The following GTPBP10 variants were observed in gnomAD, a reference collection of about 807,000 sequenced individuals.
The protein encoded by GTPBP10 is GTP-binding protein 10.
GTPBP10 carries 38 observed loss-of-function variants against 44.8 expected under a neutral mutation model. The observed-to-expected ratio is 0.85, with a 90% CI of 0.65 to 1.11. The LOEUF is 1.11. Ranked by LOEUF, GTPBP10 falls within the 50% of genes most tolerant of loss-of-function variation. The pLI, the probability that GTPBP10 is intolerant of heterozygous loss-of-function variation, is 0.00. For missense variants in GTPBP10, 462 were observed against 453.7 expected (o/e 1.02, Z -0.17); for synonymous variants, 152 against 150.6 (o/e 1.01, Z -0.07).
At chr7:90,362,676 C>A (rs1482597432) in intron 4 of GTPBP10, among the ~76,000 whole-genome samples, 2 of 151,900 alleles carry the variant, frequency 1.3e-5, no homozygotes, top group East Asian at 1.9e-4. Context: ...GAGTTCAATT[C>A]CTGGATATCC....
In GTPBP10 at chr7:90,352,973, G is replaced by T. The variant is rs776045994; in HGVS notation, c.191G>T (p.Arg64Leu). The T allele has an allele frequency of 6.2e-7, 1 of 1,611,478 alleles. No homozygotes were observed. Among genetic ancestry groups the T allele is most frequent in the East Asian group, 2.2e-5 (1 of 44,844 alleles). The change falls in exon 2 of 10, where the codon CGG becomes CTG. Residue 64 changes from arginine (R) to leucine (L), a missense_variant. Coordinates refer to ENST00000222511, the MANE Select transcript of GTPBP10 (RefSeq NM_033107.4). Reference protein sequence around the residue: ...TLKQLKDRYPRKRFVAGVGAN... With the variant: ...TLKQLKDRYPLKRFVAGVGAN... ...AAACAACTTAAAGACAGGTATCCTC[G>T]GAAACGGTTTGTGGCTGGAGTAGGA...
chr7:90,382,896 A>C, intron 8 of GTPBP10, 60 bp from the exon 9 acceptor site: 1 of 1,201,286 alleles, frequency 8.3e-7, no homozygotes, highest in East Asian at 2.6e-5. Flanking sequence ...TAATTACCAA[A>C]TAAGTAGTTT....
chr7:90,362,750 A>T (rs1330590753), intron 4 of GTPBP10, among the ~76,000 whole-genome samples: 1 of 152,114 alleles, frequency 6.6e-6, no homozygotes, highest in African/African-American at 2.4e-5. Context: ...GTCTCCCATT[A>T]TTATTGTTTT....
intron 1 of GTPBP10, among the ~76,000 whole-genome samples, chr7:90,348,639 G>A (rs1795729189): frequency 6.6e-6 from 1 of 151,248 alleles, no homozygotes; most frequent in African/African-American, 2.4e-5. Flanking sequence ...AGGGGTGGGG[G>A]TGGAGGAGGT....
rs967671523 is a variant in GTPBP10 at position 90,374,385 on chromosome 7, A to G, written c.591+31A>G. The G allele has an allele frequency of 9.5e-6, 13 of 1,375,326 alleles. No individual in the cohort carries two copies. In the Admixed American group the frequency reaches 2.1e-4, roughly 22 times the overall value. The allele number at this position is 1,375,326 out of a possible 1,614,324, so 85.2% of individuals were successfully genotyped here. A position where few individuals can be genotyped will look rare whatever the true frequency, so the allele number is the denominator to read the frequency against. On this transcript the variant is annotated intron_variant, in intron 6 of 9. Transcript: ENST00000222511. Reference sequence around the variant, plus strand: ...TATTTTTAAAGTAAAACACTATATTAGAAGTCAAAAGTACTTGGTTTTGGT... The same window carrying G: ...TATTTTTAAAGTAAAACACTATATTGGAAGTCAAAAGTACTTGGTTTTGGT...
chr7:90,350,375 G>A (rs538591667), intron 1 of GTPBP10, among the ~76,000 whole-genome samples: 95 of 152,324 alleles, frequency 6.2e-4, no homozygotes, highest in African/African-American at 2.2e-3. Context: ...GTGTGCATGT[G>A]TCTTTATAGT....
intron 4 of GTPBP10, among the ~76,000 whole-genome samples, chr7:90,358,304 C>T (rs964910590): frequency 6.6e-6 from 1 of 151,834 alleles, no homozygotes; most frequent in East Asian, 1.9e-4. Flanking sequence ...AATGGAAATA[C>T]ATCCAAAGCA....
intron 5 of GTPBP10, among the ~76,000 whole-genome samples, chr7:90,373,766 A>G (rs1254572943): frequency 6.6e-6 from 1 of 152,236 alleles, no homozygotes; most frequent in Non-Finnish European, 1.5e-5. Flanking sequence ...GTGCAATAGA[A>G]GAACGTTGAG....
At chr7:90,356,012 T>C (rs1451205946) in intron 4 of GTPBP10, among the ~76,000 whole-genome samples, 2 of 150,122 alleles carry the variant, frequency 1.3e-5, no homozygotes, top group African/African-American at 2.5e-5. Context: ...TACACAGTTA[T>C]TCAGATGGAA....
chr7:90,353,134 G>T, intron 2 of GTPBP10, 125 bp downstream of exon 2: 1 of 596,638 alleles, frequency 1.7e-6, no homozygotes, highest in Non-Finnish European at 2.8e-6. Context: ...TTATAACCAA[G>T]CAAAAGCCTA....
chr7:90,382,870 A>T, intron 8 of GTPBP10, 86 bp from the exon 9 acceptor site: 2 of 873,828 alleles, frequency 2.3e-6, no homozygotes, highest in Non-Finnish European at 3.3e-6. Context: ...AATGGGTTTT[A>T]GATCACCTGG....
rs974259859 is a variant in GTPBP10 at position 90,388,234 on chromosome 7, G to T, written c.*3080G>T. On this transcript the variant is annotated 3_prime_UTR_variant, in exon 10 of 10. Coordinates refer to ENST00000222511, the MANE Select transcript of GTPBP10 (RefSeq NM_033107.4). ...TAATTTTGAAACAAAGACTTATTTTGAAGTAAGTCTTTTAACATTATCTCA... is the reference window on the plus strand; with the variant it reads ...TAATTTTGAAACAAAGACTTATTTTTAAGTAAGTCTTTTAACATTATCTCA... The T allele has an allele frequency of 2.0e-5, 3 of 151,986 alleles. No individual in the cohort carries two copies. The highest frequency in any genetic ancestry group is 2.9e-5 in the Non-Finnish European group (2 of 67,972). 9.4% of individuals were successfully genotyped at this position (151,986 alleles called of 1,614,324 possible).
intron 6 of GTPBP10, among the ~76,000 whole-genome samples, chr7:90,375,026 CA>C (rs1203165232): frequency 2.0e-5 from 3 of 152,080 alleles, no homozygotes; most frequent in African/African-American, 7.2e-5. Context: ...TATATTTAGA[CA>C]GTGGATTATT....
rs374944793 is a variant in GTPBP10, at chr7:90,355,274, A to T, written c.464+44A>T. The T allele has an allele frequency of 3.1e-5, 38 of 1,238,826 alleles. No individual in the cohort carries two copies. In the East Asian group the frequency reaches 6.1e-4, roughly 20 times the overall value. 76.7% of individuals were successfully genotyped at this position (1,238,826 alleles called of 1,614,324 possible). A position where few individuals can be genotyped will look rare whatever the true frequency, so the allele number is the denominator to read the frequency against. On this transcript the variant is annotated intron_variant, in intron 4 of 9. Coordinates refer to ENST00000222511, the MANE Select transcript of GTPBP10 (RefSeq NM_033107.4). The stretch of plus-strand genomic sequence containing the variant: ...TTTATTATTATACTTTCAGAGAGAG[A>T]GTTCTTGAATAGAAAATAAATGTAA...
intron 8 of GTPBP10, among the ~76,000 whole-genome samples, chr7:90,381,139 A>C (rs1279856092): frequency 2.6e-5 from 4 of 152,174 alleles, no homozygotes; most frequent in Non-Finnish European, 5.9e-5. Context: ...TTTCCTTTGG[A>C]TATATACCCA....
chr7:90,361,573 G>A (rs1328660404), intron 4 of GTPBP10, among the ~76,000 whole-genome samples: 17 of 152,144 alleles, frequency 1.1e-4, no homozygotes, highest in Admixed American at 6.5e-5. Context: ...ATGTTCATCA[G>A]GGATATTGGT....
chr7:90,368,936 A>G (rs1036653434), intron 4 of GTPBP10, among the ~76,000 whole-genome samples: 30 of 151,910 alleles, frequency 2.0e-4, no homozygotes, highest in Non-Finnish European at 4.3e-4. Flanking sequence ...GGTTTTATCT[A>G]CCTTTGGTCT....
chr7:90,361,243 C>T (rs1796014213), intron 4 of GTPBP10, among the ~76,000 whole-genome samples: 1 of 152,076 alleles, frequency 6.6e-6, no homozygotes. Flanking sequence ...CAGTTTTTGT[C>T]CATTCAGTAA....
chr7:90,364,074 G>C (rs1280585035), intron 4 of GTPBP10, among the ~76,000 whole-genome samples: 2 of 152,144 alleles, frequency 1.3e-5, no homozygotes, highest in Non-Finnish European at 2.9e-5. Context: ...TTTGTGATGG[G>C]TTCCAACTTC....
Sources: allele counts gnomAD v4.1 joint callset (sites outside exome capture counted in the v4.1 genomes callset), GRCh38; gene constraint gnomAD v4.1.1; transcripts MANE v1.5; gene names NCBI Gene and HGNC (gene_info 2026-07-23, HGNC 2026-07-21).